GALNT13: variants seen among roughly 807,000 people sequenced by gnomAD.
GALNT13 encodes polypeptide N-acetylgalactosaminyltransferase 13, also known as UDP-GalNAc:polypeptide N-acetylgalactosaminyltransferase 13.
In GALNT13, 28 loss-of-function variants were observed where a neutral mutation model predicts 64.2. The observed-to-expected ratio is 0.44, with a 90% confidence interval of 0.32 to 0.60. The LOEUF (loss-of-function observed/expected upper bound fraction) is 0.60. GALNT13 is among the 20% of genes least tolerant of loss of function. The pLI is 0.05. For missense variants in GALNT13, 577 were observed against 669.8 expected (o/e 0.86, Z 1.53); for synonymous variants, 214 against 224.6 (o/e 0.95, Z 0.42).
chr2:153,541,779 C>G, the GALNT13 span, among the ~76,000 whole-genome samples: 1 of 152,106 alleles, frequency 6.6e-6, no homozygotes, highest in Non-Finnish European at 1.5e-5. Flanking sequence ...CTTTTTTGTT[C>G]AACGTATTTC....
chr2:154,046,939 GT>G (rs35276772), intron 3 of GALNT13, among the ~76,000 whole-genome samples: 112,643 of 149,604 alleles, frequency 0.75, 42,595 homozygotes, highest in East Asian at 0.96. Context: ...TAGTCTGTGG[GT>G]TTTTTTTTTT....
At chr2:154,416,050 G>A (rs550158308) in intron 11 of GALNT13, among the ~76,000 whole-genome samples, 2 of 152,268 alleles carry the variant, frequency 1.3e-5, no homozygotes, top group South Asian at 4.1e-4. Context: ...TATAGAAACA[G>A]GAATTATTAC....
In GALNT13 at chr2:153,872,111, T is replaced by C. The variant is rs1402455116; in HGVS notation, c.-369T>C. On this transcript the variant is annotated 5_prime_UTR_variant, in exon 1 of 13. It removes the in-frame stop codon of an upstream open reading frame in the 5' UTR. Transcript: ENST00000392825. Reference sequence around the variant, plus strand: ...GGCTCCCTCTGCTCGCGGGCAAGTGTGAAGAGAGAGGCGCGGGCGGGAGCC... The same window carrying C: ...GGCTCCCTCTGCTCGCGGGCAAGTGCGAAGAGAGAGGCGCGGGCGGGAGCC... 6.6e-6 allele frequency: 1 copy of C among 151,508 alleles called. No homozygotes were observed. The highest frequency in any genetic ancestry group is 1.5e-5 in the Non-Finnish European group (1 of 67,944). 9.4% of individuals were successfully genotyped at this position (151,508 alleles called of 1,614,324 possible).
chr2:153,631,898 A>T, the GALNT13 span, among the ~76,000 whole-genome samples: 1 of 152,142 alleles, frequency 6.6e-6, no homozygotes, highest in Non-Finnish European at 1.5e-5. Context: ...TATGTCCTGA[A>T]TGGTATCGCC....
the GALNT13 span, among the ~76,000 whole-genome samples, chr2:153,636,859 CAT>C: frequency 0.036 from 5,420 of 152,148 alleles, 121 homozygotes; most frequent in Middle Eastern, 0.061. Flanking sequence ...AATCAGTTGA[CAT>C]AGTCTAGCCT....
At chr2:154,443,631 C>T (rs1183491388) in intron 12 of GALNT13, among the ~76,000 whole-genome samples, 1 of 151,776 alleles carries the variant, frequency 6.6e-6, no homozygotes, top group Non-Finnish European at 1.5e-5. Flanking sequence ...TGTTTTAATA[C>T]CAAGGTATGG....
At chr2:154,139,073 A>G (rs1482516115) in intron 3 of GALNT13, among the ~76,000 whole-genome samples, 2 of 151,924 alleles carry the variant, frequency 1.3e-5, no homozygotes, top group African/African-American at 4.8e-5. Flanking sequence ...AAGGCCAATC[A>G]CTTTTTTTTA....
the GALNT13 span, among the ~76,000 whole-genome samples, chr2:153,389,347 T>G: frequency 6.6e-6 from 1 of 152,150 alleles, no homozygotes; most frequent in Admixed American, 6.6e-5. Flanking sequence ...AAGTGGAAAT[T>G]TACATACAAG....
intron 7 of GALNT13, among the ~76,000 whole-genome samples, chr2:154,247,891 G>T (rs1237414204): frequency 1.3e-5 from 2 of 151,992 alleles, no homozygotes; most frequent in Admixed American, 1.3e-4. Flanking sequence ...TAATTCATGG[G>T]TTCGGTTGTA....
At chr2:153,948,315 G>A (rs558354806) in intron 3 of GALNT13, among the ~76,000 whole-genome samples, 122 of 151,104 alleles carry the variant, frequency 8.1e-4, no homozygotes, top group Non-Finnish European at 1.4e-3. Context: ...TCCATCTCAC[G>A]CCAATCAGAA....
chr2:153,147,541 CTTTT>C, the GALNT13 span, among the ~76,000 whole-genome samples: 2 of 132,108 alleles, frequency 1.5e-5, no homozygotes, highest in African/African-American at 2.7e-5. Flanking sequence ...AAGCATTAGA[CTTTT>C]TTTTTTTTTT....
intron 4 of GALNT13, among the ~76,000 whole-genome samples, chr2:154,168,110 G>A (rs1313939122): frequency 2.0e-5 from 3 of 152,134 alleles, no homozygotes; most frequent in Non-Finnish European, 4.4e-5. Context: ...GCAGGGTGTG[G>A]TATGGAGCCT....
At chr2:153,133,017 C>T in the GALNT13 span, among the ~76,000 whole-genome samples, 1 of 151,486 alleles carries the variant, frequency 6.6e-6, no homozygotes, top group Non-Finnish European at 1.5e-5. Context: ...GCCACTGTGC[C>T]AGGCCTAAAC....
At chr2:153,737,594 G>T in the GALNT13 span, among the ~76,000 whole-genome samples, 17 of 151,950 alleles carry the variant, frequency 1.1e-4, no homozygotes, top group Non-Finnish European at 2.2e-4. Context: ...CTTAGGAAAT[G>T]TATCAAAGTC....
intron 11 of GALNT13, among the ~76,000 whole-genome samples, chr2:154,421,890 G>A (rs1263579551): frequency 5.9e-5 from 9 of 151,970 alleles, no homozygotes; most frequent in African/African-American, 1.9e-4. Flanking sequence ...CAATCTCATA[G>A]GGAATACAAA....
the GALNT13 span, among the ~76,000 whole-genome samples, chr2:153,317,775 A>G: frequency 2.6e-5 from 4 of 152,174 alleles, no homozygotes; most frequent in Non-Finnish European, 5.9e-5. Context: ...TAGTTATCTA[A>G]TATCAGAGAC....
intron 10 of GALNT13, among the ~76,000 whole-genome samples, chr2:154,400,253 ATAAT>A (rs1160746427): frequency 4.6e-5 from 7 of 152,174 alleles, no homozygotes; most frequent in African/African-American, 7.2e-5. Context: ...TTTCTCTTAA[ATAAT>A]TAGAGTCCCA....
intron 3 of GALNT13, among the ~76,000 whole-genome samples, chr2:154,112,765 C>A (rs1703058540): frequency 6.6e-6 from 1 of 152,208 alleles, no homozygotes. Flanking sequence ...TCAGGTGGTG[C>A]CTGCATATCG....
At chr2:153,070,505 G>A in the GALNT13 span, among the ~76,000 whole-genome samples, 4 of 152,278 alleles carry the variant, frequency 2.6e-5, no homozygotes, top group East Asian at 5.8e-4. Context: ...ATCAGTTGTG[G>A]CAAATGTACC....
Sources: allele counts gnomAD v4.1 joint callset (sites outside exome capture counted in the v4.1 genomes callset), GRCh38; gene constraint gnomAD v4.1.1; transcripts MANE v1.5; gene names NCBI Gene and HGNC (gene_info 2026-07-23, HGNC 2026-07-21).